ITGA9: variants seen among roughly 807,000 people sequenced by gnomAD.
ITGA9 encodes the protein integrin alpha-9.
A neutral mutation model predicts 127.8 loss-of-function variants in ITGA9; 56 were observed. The observed-to-expected ratio is 0.44, with a 90% CI of 0.35 to 0.55. The LOEUF (loss-of-function observed/expected upper bound fraction) is 0.55, where lower values mean the gene tolerates loss of function less well. ITGA9 is among the 20% of genes least tolerant of loss of function. The probability of loss-of-function intolerance (pLI) is 0.00; values close to 1 mark genes in which losing one functional copy is unlikely to be tolerated. For missense variants in ITGA9, 1,196 were observed against 1,347.1 expected, an observed-to-expected ratio of 0.89 and a Z score of 1.76; for synonymous variants, 508 against 514.5, an observed-to-expected ratio of 0.99 and a Z score of 0.17.
rs1698560270 is a variant in ITGA9 at position 37,481,942 on chromosome 3, C to T, written c.544+335C>T. 2.0e-5 allele frequency among the ~76,000 whole-genome samples: 3 copies of T among 152,180 alleles called. No individual in the cohort carries two copies. The South Asian group carries it at 6.2e-4, about 31-fold the overall frequency. On this transcript the variant is annotated intron_variant, in intron 4 of 27. Transcript: ENST00000264741. ...CAGCTGCCTTGGTTTTCTGGTAATG[C>T]CAGGTGCTGTGTTGCCTTGGGAAAC...
At chr3:37,684,098 G>T in intron 18 of ITGA9, 83 bp downstream of exon 18, 4 of 1,126,382 alleles carry the variant, frequency 3.6e-6, no homozygotes. Flanking sequence ...AATAGGCAAT[G>T]ATTCTACAAG....
intron 7 of ITGA9, among the ~76,000 whole-genome samples, chr3:37,507,387 A>G (rs1169904766): frequency 3.3e-5 from 5 of 152,094 alleles, no homozygotes; most frequent in Non-Finnish European, 5.9e-5. Context: ...CCTCTATGCT[A>G]ATGATAGCAG....
At chr3:37,464,130 T>TGTGTGTGC (rs1042875189) in intron 1 of ITGA9, among the ~76,000 whole-genome samples, 3 of 150,908 alleles carry the variant, frequency 2.0e-5, no homozygotes, top group Admixed American at 1.3e-4. Context: ...TGTGTGTGTG[T>TGTGTGTGC]GTGTGTGTGT....
At chr3:37,454,169 A>T (rs1698232933) in intron 1 of ITGA9, among the ~76,000 whole-genome samples, 1 of 152,202 alleles carries the variant, frequency 6.6e-6, no homozygotes. Flanking sequence ...CAGCCGGAGC[A>T]TTGTGTGTGA....
intron 17 of ITGA9, among the ~76,000 whole-genome samples, chr3:37,661,537 G>A (rs148669126): frequency 4.8e-4 from 73 of 152,328 alleles, no homozygotes; most frequent in African/African-American, 1.6e-3. Context: ...CAGAGCCAGG[G>A]ACAATGTGAG....
At chr3:37,655,540 G>T (rs1234844842) in intron 17 of ITGA9, among the ~76,000 whole-genome samples, 3 of 152,014 alleles carry the variant, frequency 2.0e-5, no homozygotes, top group African/African-American at 7.2e-5. Flanking sequence ...TTTTGATGGG[G>T]TTGTTTTTTT....
chr3:37,683,111 A>G (rs1008760168), intron 17 of ITGA9, among the ~76,000 whole-genome samples: 3 of 151,664 alleles, frequency 2.0e-5, no homozygotes, highest in African/African-American at 7.3e-5. Context: ...TGCTGCCCCA[A>G]CTCCCTCAGT....
At chr3:37,475,535 AC>A in intron 3 of ITGA9, among the ~76,000 whole-genome samples, 1 of 152,352 alleles carries the variant, frequency 6.6e-6, no homozygotes, top group Middle Eastern at 3.4e-3. Context: ...AGAAGGCAGC[AC>A]TAGAGCATTT....
intron 18 of ITGA9, among the ~76,000 whole-genome samples, chr3:37,719,261 GA>G (rs1701165927): frequency 6.6e-6 from 1 of 152,140 alleles, no homozygotes; most frequent in African/African-American, 2.4e-5. Flanking sequence ...GAAGAGTCCT[GA>G]GATGTACCCA....
intron 15 of ITGA9, among the ~76,000 whole-genome samples, chr3:37,567,544 C>T (rs1209806516): frequency 2.6e-5 from 4 of 152,260 alleles, no homozygotes; most frequent in South Asian, 2.1e-4. Flanking sequence ...TCCAAAGTCT[C>T]ATATGAGACA....
intron 11 of ITGA9, among the ~76,000 whole-genome samples, chr3:37,519,652 T>C (rs1388277675): frequency 1.3e-5 from 2 of 152,258 alleles, no homozygotes; most frequent in African/African-American, 4.8e-5. Flanking sequence ...CTTTCTCTTT[T>C]TGGTGACTAC....
chr3:37,735,759 A>G lies in ITGA9; in HGVS notation c.2155-1145A>G, dbSNP rs72859098. On this transcript the variant is annotated intron_variant, in intron 19 of 27. Transcript: ENST00000264741. ...TAGGGCAGTGCCCCCTACTCACAGG[A>G]TGTTCACCACTAAGTGGTACACTAG... Among the ~76,000 whole-genome samples, 987 of 152,294 alleles carry G rather than the reference A, an allele frequency of 6.5e-3. 15 individuals are homozygous for G. Among genetic ancestry groups the G allele is most frequent in the African/African-American group, 0.022 (928 of 41,556 alleles).
intron 15 of ITGA9, among the ~76,000 whole-genome samples, chr3:37,565,744 A>G (rs1026888806): frequency 6.6e-6 from 1 of 152,176 alleles, no homozygotes; most frequent in East Asian, 1.9e-4. Flanking sequence ...CTCACTCCTT[A>G]TAGATTCTGA....
chr3:37,623,617 A>G (rs1244968790), intron 15 of ITGA9, among the ~76,000 whole-genome samples: 2 of 151,988 alleles, frequency 1.3e-5, no homozygotes, highest in African/African-American at 2.4e-5. Flanking sequence ...TTTTAAATGA[A>G]CCTGGCATTT....
chr3:37,666,332 A>C (rs758791664), intron 17 of ITGA9, among the ~76,000 whole-genome samples: 33 of 152,258 alleles, frequency 2.2e-4, no homozygotes, highest in Non-Finnish European at 4.0e-4. Flanking sequence ...AGGATGTGCC[A>C]TAGCACTTGT....
In ITGA9 at chr3:37,820,890, A is replaced by T. The variant is rs561701571; in HGVS notation, c.*1901A>T. ...GCTAACACGTTGGGAGTCCGTGAAC[A>T]TTGTCAAAAAGACATCAAACTCAAC... is the stretch of plus-strand genomic sequence containing the variant. On this transcript the variant is annotated 3_prime_UTR_variant, in exon 28 of 28. Coordinates refer to ENST00000264741, the MANE Select transcript of ITGA9 (RefSeq NM_002207.3). 2.0e-5 allele frequency: 3 copies of T among 152,330 alleles called. No individual in the cohort carries two copies. In the South Asian group the frequency reaches 6.2e-4, roughly 32 times the overall value. 9.4% of individuals were successfully genotyped at this position (152,330 alleles called of 1,614,324 possible).
At chr3:37,685,706 T>C (rs17036790) in intron 18 of ITGA9, among the ~76,000 whole-genome samples, 8,568 of 152,250 alleles carry the variant, frequency 0.056, 729 homozygotes, top group African/African-American at 0.18. Context: ...GAAATTTCCT[T>C]CCAGCCTCAT....
intron 15 of ITGA9, among the ~76,000 whole-genome samples, chr3:37,604,089 G>A (rs951988596): frequency 2.6e-5 from 4 of 152,212 alleles, no homozygotes; most frequent in Non-Finnish European, 5.9e-5. Flanking sequence ...TGCTGGTTCT[G>A]TTGTAAGACA....
At chr3:37,581,206 T>C (rs926707503) in intron 15 of ITGA9, among the ~76,000 whole-genome samples, 2 of 152,126 alleles carry the variant, frequency 1.3e-5, no homozygotes, top group Non-Finnish European at 2.9e-5. Flanking sequence ...ATAGCCCAGC[T>C]AGGAGGCAAG....
Sources: allele counts gnomAD v4.1 joint callset (sites outside exome capture counted in the v4.1 genomes callset), GRCh38; gene constraint gnomAD v4.1.1; transcripts MANE v1.5; gene names NCBI Gene and HGNC (gene_info 2026-07-23, HGNC 2026-07-21).